NCAM1: variants seen among roughly 807,000 people sequenced by gnomAD.
NCAM1 encodes the protein antigen recognized by monoclonal antibody 5.1H11.
Under a neutral mutation model 109.8 loss-of-function variants are expected in NCAM1, and 14 were observed. The observed-to-expected ratio is 0.13, with a 90% CI of 0.08 to 0.20. The LOEUF (loss-of-function observed/expected upper bound fraction) is 0.20. NCAM1 is among the 10% of genes least tolerant of loss of function. The probability of loss-of-function intolerance (pLI) is 1.00; values close to 1 mark genes in which losing one functional copy is unlikely to be tolerated. For synonymous variants in NCAM1, 418 were observed against 442.9 expected (o/e 0.94, Z 0.70); for missense variants, 774 against 1,109.9 (o/e 0.70, Z 4.30).
At chr11:113,229,733 C>G (rs565124911) in intron 9 of NCAM1, among the ~76,000 whole-genome samples, 16 of 152,188 alleles carry the variant, frequency 1.1e-4, no homozygotes, top group Non-Finnish European at 1.2e-4. Context: ...CACATATACA[C>G]CATGGAATAC....
intron 17 of NCAM1, chr11:113,263,014 C>T: frequency 2.6e-6 from 4 of 1,540,958 alleles, no homozygotes; most frequent in Non-Finnish European, 3.5e-6. Context: ...GGCAGGACCA[C>T]CATGGCCACA....
chr11:113,206,207 T>C (rs1944233825), intron 5 of NCAM1, 27 bp downstream of exon 5: 6 of 1,574,220 alleles, frequency 3.8e-6, no homozygotes, highest in African/African-American at 1.4e-5. Context: ...CTTCCTGATC[T>C]CTGCATTGCT....
chr11:113,178,022 C>A (rs895072225), intron 1 of NCAM1, among the ~76,000 whole-genome samples: 3 of 151,972 alleles, frequency 2.0e-5, no homozygotes, highest in Non-Finnish European at 2.9e-5. Context: ...GATAGTCAAG[C>A]TCTAAAAAAA....
At chr11:113,181,486 G>T (rs1282152124) in intron 1 of NCAM1, among the ~76,000 whole-genome samples, 1 of 152,100 alleles carries the variant, frequency 6.6e-6, no homozygotes, top group Non-Finnish European at 1.5e-5. Flanking sequence ...TGGACACATG[G>T]GATGCGGAAC....
intron 1 of NCAM1, among the ~76,000 whole-genome samples, chr11:113,029,126 C>T (rs1395026401): frequency 6.6e-6 from 1 of 152,056 alleles, no homozygotes; most frequent in Non-Finnish European, 1.5e-5. Flanking sequence ...ACTGAATTGA[C>T]GATATTGTCA....
intron 1 of NCAM1, among the ~76,000 whole-genome samples, chr11:112,989,684 C>CT (rs1202617264): frequency 6.6e-6 from 1 of 152,096 alleles, no homozygotes; most frequent in Non-Finnish European, 1.5e-5. Flanking sequence ...TTGCCTGATT[C>CT]TTTTTTATCC....
At chr11:113,176,322 C>T (rs1436101689) in intron 1 of NCAM1, among the ~76,000 whole-genome samples, 1 of 152,098 alleles carries the variant, frequency 6.6e-6, no homozygotes, top group Admixed American at 6.5e-5. Flanking sequence ...CTTTTAAAAG[C>T]AAAGGTGTAT....
rs573003233 is a variant in NCAM1 at position 113,216,274 on chromosome 11, C to T, written c.1059+1763C>T. On this transcript the variant is annotated intron_variant, in intron 8 of 19. Transcript: ENST00000316851. ...CCGCCATTCTCCTGCCTCAGCCTCCCGAGTAGCTGGGACTACAGGCGCCCG... is the reference window on the plus strand; with the variant it reads ...CCGCCATTCTCCTGCCTCAGCCTCCTGAGTAGCTGGGACTACAGGCGCCCG... Among the ~76,000 whole-genome samples the T allele has an allele frequency of 2.1e-3, 322 of 151,850 alleles. 1 individual carries two copies. The highest frequency in any genetic ancestry group is 0.01 in the Middle Eastern group (3 of 294).
At chr11:113,036,761 T>C (rs1289410089) in intron 1 of NCAM1, among the ~76,000 whole-genome samples, 3 of 152,104 alleles carry the variant, frequency 2.0e-5, no homozygotes, top group African/African-American at 7.2e-5. Flanking sequence ...CCGCCCCACC[T>C]CAAATATTTC....
In NCAM1 at chr11:112,962,426, G is replaced by C. The variant is rs554720036; in HGVS notation, c.52+762G>C. On this transcript the variant is annotated intron_variant, in intron 1 of 19. Coordinates refer to ENST00000316851, the MANE Select transcript of NCAM1 (RefSeq NM_181351.5). This position sits in a 1 kb window ranked among gnomAD's most constrained non-coding sequence, Gnocchi z 5.6. ...GCGGAGGGCGAGGAGGGCGTGATTG[G>C]GGCTGCCTGGTGTGTGCGCGCGCGT... is the stretch of plus-strand genomic sequence containing the variant. 6.6e-6 allele frequency among the ~76,000 whole-genome samples: 1 copy of C among 151,950 alleles called. No individual in the cohort carries two copies. The highest frequency in any genetic ancestry group is 2.0e-4 in the East Asian group (1 of 5,108).
intron 1 of NCAM1, among the ~76,000 whole-genome samples, chr11:113,029,276 A>G (rs1361936384): frequency 1.3e-5 from 2 of 152,220 alleles, no homozygotes; most frequent in African/African-American, 4.8e-5. Flanking sequence ...GAATTCAGGA[A>G]AAATCTATCT....
chr11:113,136,111 A>C (rs1189205532), intron 1 of NCAM1, among the ~76,000 whole-genome samples: 1 of 152,194 alleles, frequency 6.6e-6, no homozygotes, highest in Non-Finnish European at 1.5e-5. Context: ...TGAGCCCAGG[A>C]GTTCAAGGCC....
intron 1 of NCAM1, among the ~76,000 whole-genome samples, chr11:113,109,273 G>A (rs368576211): frequency 1.2e-3 from 186 of 151,120 alleles, no homozygotes; most frequent in South Asian, 3.8e-3. Flanking sequence ...GCTTAAACCC[G>A]GGAGGCGGAG....
chr11:113,043,756 T>C (rs1194960869), intron 1 of NCAM1, among the ~76,000 whole-genome samples: 1 of 152,180 alleles, frequency 6.6e-6, no homozygotes, highest in Non-Finnish European at 1.5e-5. Context: ...GCCGTGAGCA[T>C]GTCCAGCTTT....
At chr11:113,023,176 G>T (rs1008025806) in intron 1 of NCAM1, among the ~76,000 whole-genome samples, 4 of 152,180 alleles carry the variant, frequency 2.6e-5, no homozygotes, top group Non-Finnish European at 5.9e-5. Context: ...TTTAAAAGAT[G>T]GCATCATAAG....
At chr11:113,097,833 G>A (rs954990430) in intron 1 of NCAM1, among the ~76,000 whole-genome samples, 44 of 152,058 alleles carry the variant, frequency 2.9e-4, no homozygotes, top group Admixed American at 2.0e-4. Flanking sequence ...AGTTGAATTT[G>A]TACAAGCTTT....
intron 1 of NCAM1, among the ~76,000 whole-genome samples, chr11:112,979,982 A>G (rs540039044): frequency 1.3e-5 from 2 of 151,924 alleles, no homozygotes; most frequent in African/African-American, 2.4e-5. Context: ...CAGGATGAAA[A>G]CACTCATTAA....
chr11:113,218,299 G>A lies in NCAM1; in HGVS notation c.1060-2997G>A, dbSNP rs116376294. Among the ~76,000 whole-genome samples the A allele has an allele frequency of 3.9e-3, 594 of 152,206 alleles. 5 individuals carry two copies. Among genetic ancestry groups the A allele is most frequent in the African/African-American group, 0.014 (568 of 41,538 alleles). On this transcript the variant is annotated intron_variant, in intron 8 of 19. Coordinates refer to ENST00000316851, the MANE Select transcript of NCAM1 (RefSeq NM_181351.5). The stretch of plus-strand genomic sequence containing the variant: ...AGACTGCCACAATGGCTTCCTTCTG[G>A]CTCGGTGGCTCAGAAGGTAGGCCAC...
At chr11:113,075,275 G>A (rs1446181944) in intron 1 of NCAM1, among the ~76,000 whole-genome samples, 6 of 152,102 alleles carry the variant, frequency 3.9e-5, no homozygotes, top group Non-Finnish European at 8.8e-5. Context: ...TCACTATGTT[G>A]CTCAGGCTGG....
Sources: allele counts gnomAD v4.1 joint callset (sites outside exome capture counted in the v4.1 genomes callset), GRCh38; gene constraint gnomAD v4.1.1; non-coding constraint Gnocchi (gnomAD v3.1); transcripts MANE v1.5; gene names NCBI Gene and HGNC (gene_info 2026-07-23, HGNC 2026-07-21).